TBC1D22A: variants seen among roughly 807,000 people sequenced by gnomAD.
The protein encoded by TBC1D22A is TBC1 domain family member 22A.
In TBC1D22A, 38 loss-of-function variants were observed where a neutral mutation model predicts 60.2. The observed-to-expected ratio is 0.63, with a 90% confidence interval of 0.49 to 0.83. TBC1D22A has a LOEUF of 0.83. Ranked by LOEUF, TBC1D22A falls within the 40% of genes least tolerant of loss-of-function variation. TBC1D22A has a pLI of 0.00. For missense variants in TBC1D22A, 628 were observed against 701.0 expected (o/e 0.90, Z 1.18); for synonymous variants, 302 against 281.7 (o/e 1.07, Z -0.72).
intron 11 of TBC1D22A, among the ~76,000 whole-genome samples, chr22:47,042,514 T>C (rs1461332753): frequency 6.6e-6 from 1 of 152,246 alleles, no homozygotes; most frequent in Non-Finnish European, 1.5e-5. Context: ...CTGATTTCCA[T>C]GCGGGAGGAG....
intron 10 of TBC1D22A, among the ~76,000 whole-genome samples, chr22:47,026,811 C>T (rs2062272057): frequency 6.6e-6 from 1 of 152,176 alleles, no homozygotes; most frequent in African/African-American, 2.4e-5. Flanking sequence ...TGTCAGCTCT[C>T]ACCAAACTGA....
At chr22:46,824,782 G>C (rs140479319) in intron 4 of TBC1D22A, among the ~76,000 whole-genome samples, 3 of 152,050 alleles carry the variant, frequency 2.0e-5, no homozygotes, top group Non-Finnish European at 4.4e-5. Flanking sequence ...TGAAGGATGA[G>C]GGAAGGAGGG....
At chr22:47,051,606 C>G (rs1213159518) in intron 11 of TBC1D22A, among the ~76,000 whole-genome samples, 1 of 152,156 alleles carries the variant, frequency 6.6e-6, no homozygotes, top group African/African-American at 2.4e-5. Flanking sequence ...TTTCAGGTCC[C>G]CTCAAGGGGC....
chr22:46,798,056 T>C (rs2084735032), intron 4 of TBC1D22A, among the ~76,000 whole-genome samples: 1 of 152,088 alleles, frequency 6.6e-6, no homozygotes, highest in Admixed American at 6.5e-5. Flanking sequence ...AACAATTTTT[T>C]CTACAGATAC....
At chr22:46,792,021 A>G (rs979915941) in intron 1 of TBC1D22A, among the ~76,000 whole-genome samples, 1 of 152,240 alleles carries the variant, frequency 6.6e-6, no homozygotes, top group African/African-American at 2.4e-5. Flanking sequence ...TTGGCCTCCC[A>G]AAGTGCTGGG....
intron 12 of TBC1D22A, among the ~76,000 whole-genome samples, chr22:47,140,130 G>A (rs1049289953): frequency 5.3e-5 from 8 of 152,042 alleles, no homozygotes; most frequent in African/African-American, 1.9e-4. Flanking sequence ...CAGACCTAAT[G>A]TTGAGCAAAA....
rs370371657 is a variant in TBC1D22A at position 46,893,993 on chromosome 22, G to A, written c.838-791G>A. ...AGAGTGATGATGTCCCAGCCTCCTG[G>A]GTGTTAGAGTCCTCTGTGGAGATGT... On this transcript the variant is annotated intron_variant, in intron 6 of 12. Coordinates refer to ENST00000337137, the MANE Select transcript of TBC1D22A (RefSeq NM_014346.5). Among the ~76,000 whole-genome samples the A allele has an allele frequency of 8.5e-4, 130 of 152,336 alleles. 1 individual carries two copies. The highest frequency in any genetic ancestry group is 2.9e-3 in the African/African-American group (121 of 41,564).
chr22:46,913,388 A>G (rs955128495), intron 8 of TBC1D22A: 1 of 1,366,452 alleles, frequency 7.3e-7, no homozygotes, highest in Non-Finnish European at 9.8e-7. Flanking sequence ...ATCTGGAGAG[A>G]TGAGCCTTAC....
chr22:47,060,203 C>A lies in TBC1D22A; in HGVS notation c.1329+23005C>A, dbSNP rs570053304. ...CTTCCAGCAGGCAGATCAGGCCTCC[C>A]TTCAGCCTCTGCGGCCCCTGCTAAG... On this transcript the variant is annotated intron_variant, in intron 11 of 12. Transcript: ENST00000337137. 4.5e-3 allele frequency among the ~76,000 whole-genome samples: 677 copies of A among 151,918 alleles called. 2 individuals are homozygous for A. The highest frequency in any genetic ancestry group is 6.8e-3 in the Non-Finnish European group (464 of 67,998).
Position 46,793,639 on chromosome 22 carries a change from G to A in TBC1D22A, c.258G>A (p.Ala86=), listed in dbSNP as rs34710342. ...ACGATGAGCTCCTGGCCATGGCGGCGGAGAGCCTGAACTCCGAGGTGGTCA... is the reference window on the plus strand; with the variant it reads ...ACGATGAGCTCCTGGCCATGGCGGCAGAGAGCCTGAACTCCGAGGTGGTCA... ...EDDDELLAMA[A]ESLNSEVVME... Residue 86 remains alanine, a synonymous_variant, in exon 3 of 13, where the codon GCG becomes GCA. Coordinates refer to ENST00000337137, the MANE Select transcript of TBC1D22A (RefSeq NM_014346.5). 1.9e-3 allele frequency: 3,097 copies of A among 1,613,714 alleles called. 45 individuals are homozygous for A. The African/African-American group carries it at 0.036, about 19-fold the overall frequency.
At chr22:46,929,155 A>G (rs2071212258) in intron 8 of TBC1D22A, among the ~76,000 whole-genome samples, 1 of 152,232 alleles carries the variant, frequency 6.6e-6, no homozygotes, top group African/African-American at 2.4e-5. Flanking sequence ...ATCCCGTTGT[A>G]AGGAGATGTA....
chr22:46,841,956 T>C (rs1287830942), intron 4 of TBC1D22A, among the ~76,000 whole-genome samples: 1 of 152,244 alleles, frequency 6.6e-6, no homozygotes, highest in Non-Finnish European at 1.5e-5. Flanking sequence ...GAACATCTTA[T>C]TTGCATACCA....
At chr22:46,811,667 G>A (rs920271073) in intron 4 of TBC1D22A, among the ~76,000 whole-genome samples, 19 of 152,212 alleles carry the variant, frequency 1.2e-4, no homozygotes, top group Non-Finnish European at 8.8e-5. Context: ...TCAGTGTCTG[G>A]CTCAGGGTCG....
intron 4 of TBC1D22A, among the ~76,000 whole-genome samples, chr22:46,825,435 G>A (rs2086012228): frequency 6.6e-6 from 1 of 152,062 alleles, no homozygotes; most frequent in Non-Finnish European, 1.5e-5. Context: ...CCCTTCATAT[G>A]AATTATATAA....
At chr22:47,007,140 C>G (rs976185488) in intron 10 of TBC1D22A, among the ~76,000 whole-genome samples, 3 of 152,192 alleles carry the variant, frequency 2.0e-5, no homozygotes, top group Non-Finnish European at 4.4e-5. Context: ...ATGTCACTGT[C>G]ACATTGACCT....
At chr22:46,824,499 CAG>C (rs2085964823) in intron 4 of TBC1D22A, among the ~76,000 whole-genome samples, 1 of 152,162 alleles carries the variant, frequency 6.6e-6, no homozygotes, top group Admixed American at 6.5e-5. Context: ...GGAGGGGAAT[CAG>C]AGCTGCATCC....
chr22:46,933,888 G>A (rs955568565), intron 8 of TBC1D22A, among the ~76,000 whole-genome samples: 6 of 152,248 alleles, frequency 3.9e-5, no homozygotes, highest in Non-Finnish European at 5.9e-5. Context: ...GGGGACAGGG[G>A]TGTGGGGATG....
chr22:46,941,208 T>TATATGTATACACACACACAC (rs1555959657), intron 8 of TBC1D22A, among the ~76,000 whole-genome samples: 56 of 84,886 alleles, frequency 6.6e-4, no homozygotes, highest in African/African-American at 2.7e-3. Context: ...TATATATGTA[T>TATATGTATACACACACACAC]ACACACACAC....
intron 4 of TBC1D22A, among the ~76,000 whole-genome samples, chr22:46,861,258 T>C (rs2087867704): frequency 6.6e-6 from 1 of 152,190 alleles, no homozygotes; most frequent in Non-Finnish European, 1.5e-5. Flanking sequence ...AGAATTGTGT[T>C]TTATCTCACG....
Sources: allele counts gnomAD v4.1 joint callset (sites outside exome capture counted in the v4.1 genomes callset), GRCh38; gene constraint gnomAD v4.1.1; transcripts MANE v1.5; gene names NCBI Gene and HGNC (gene_info 2026-07-23, HGNC 2026-07-21).